PCBP3: variants seen among roughly 807,000 people sequenced by gnomAD.
PCBP3 encodes poly(rC) binding protein 3.
In PCBP3, 25 loss-of-function variants were observed where a neutral mutation model predicts 52.7. The ratio of observed to expected loss-of-function variants is 0.47; its 90% CI spans 0.35 to 0.66. The LOEUF (loss-of-function observed/expected upper bound fraction) is 0.66, where lower values mean the gene tolerates loss of function less well. Ranked by LOEUF, PCBP3 falls within the 30% of genes least tolerant of loss-of-function variation. The probability of loss-of-function intolerance (pLI) is 0.01; values close to 1 mark genes in which losing one functional copy is unlikely to be tolerated. For missense variants in PCBP3, 391 were observed against 490.3 expected (o/e 0.80, Z 1.91); for synonymous variants, 162 against 183.0 (o/e 0.89, Z 0.93).
At chr21:45,773,356 G>T (rs1755496571) in intron 4 of PCBP3, among the ~76,000 whole-genome samples, 1 of 152,182 alleles carries the variant, frequency 6.6e-6, no homozygotes, top group African/African-American at 2.4e-5. Context: ...TCTTCTGCAT[G>T]TGGCTATCCA....
chr21:45,844,332 G>A (rs1281584311), intron 4 of PCBP3, among the ~76,000 whole-genome samples: 3 of 152,124 alleles, frequency 2.0e-5, no homozygotes, highest in African/African-American at 7.2e-5. Flanking sequence ...CAGCACCTAA[G>A]GACTCTTATG....
Position 45,837,348 on chromosome 21 carries a change from G to A in PCBP3, c.-125-12613G>A, listed in dbSNP as rs1323778084. Among the ~76,000 whole-genome samples the A allele has an allele frequency of 6.6e-6, 1 of 152,218 alleles. No homozygotes were observed. The highest frequency in any genetic ancestry group is 2.4e-5 in the African/African-American group (1 of 41,462). On this transcript the variant is annotated intron_variant, in intron 4 of 17. Coordinates refer to ENST00000681687, the MANE Select transcript of PCBP3 (RefSeq NM_001384156.1). The surrounding 1 kb of genome is among the most constrained non-coding windows in gnomAD (Gnocchi z 4.1). ...ATCTGGGCAGGCATGTGCCTCCAGCGGAAATGATGTTATGTGACATCTGTG... is the reference window on the plus strand; with the variant it reads ...ATCTGGGCAGGCATGTGCCTCCAGCAGAAATGATGTTATGTGACATCTGTG...
chr21:45,659,669 A>C (rs2080258665), intron 1 of PCBP3, among the ~76,000 whole-genome samples: 1 of 152,142 alleles, frequency 6.6e-6, no homozygotes, highest in Admixed American at 6.5e-5. Context: ...AATGATCTCA[A>C]AGTATTTTCT....
chr21:45,667,070 T>TGCTTGTTC (rs1259759393), intron 1 of PCBP3, among the ~76,000 whole-genome samples: 6 of 78,166 alleles, frequency 7.7e-5, no homozygotes, highest in African/African-American at 3.2e-4. Context: ...ATTATGCATC[T>TGCTTGTTC]GTTTGTTCTT....
chr21:45,941,547 TG>T (rs2149626663), intron 17 of PCBP3, 122 bp from the exon 18 acceptor site: 1 of 814,528 alleles, frequency 1.2e-6, no homozygotes, highest in African/African-American at 1.8e-5. Context: ...CAGGACCTCC[TG>T]AGCTGACCGG....
intron 1 of PCBP3, among the ~76,000 whole-genome samples, chr21:45,645,851 C>G (rs985537714): frequency 4.6e-5 from 7 of 152,180 alleles, no homozygotes; most frequent in East Asian, 1.9e-4. Flanking sequence ...TGTGTATCCT[C>G]TCAGTGAAGA....
intron 4 of PCBP3, among the ~76,000 whole-genome samples, chr21:45,825,629 C>A (rs1002881474): frequency 1.1e-4 from 17 of 152,180 alleles, no homozygotes; most frequent in Admixed American, 1.3e-4. Context: ...GAAACCCTTT[C>A]TTATTTTTCA....
rs1341610773 is a variant in PCBP3, at chr21:45,821,492, G to A, written c.-125-28469G>A. ...TAGAACACTCTTCCCCCTGCACCAC[G>A]CTGTGGGCCCTGTGCCTTCCCCTAA... On this transcript the variant is annotated intron_variant, in intron 4 of 17. Transcript: ENST00000681687. The surrounding 1 kb of genome is among the most constrained non-coding windows in gnomAD (Gnocchi z 4.4). Among the ~76,000 whole-genome samples the A allele has an allele frequency of 3.8e-5, 5 of 131,404 alleles. No individual in the cohort carries two copies. In the East Asian group the frequency reaches 6.6e-4, roughly 17 times the overall value. The allele number at this position is 131,404 out of a possible 152,430, so 86.2% of individuals were successfully genotyped here.
chr21:45,907,068 C>G (rs938913202), intron 9 of PCBP3, among the ~76,000 whole-genome samples: 7 of 152,380 alleles, frequency 4.6e-5, no homozygotes, highest in Non-Finnish European at 7.3e-5. Flanking sequence ...GGCCGGCCGC[C>G]CGTTCCTTCC....
At chr21:45,697,286 A>G (rs1374250520) in intron 2 of PCBP3, among the ~76,000 whole-genome samples, 1 of 152,248 alleles carries the variant, frequency 6.6e-6, no homozygotes, top group Non-Finnish European at 1.5e-5. Flanking sequence ...CAAGCAAATT[A>G]TGGAACATAT....
chr21:45,850,971 T>C (rs1365622049), intron 5 of PCBP3, among the ~76,000 whole-genome samples: 3 of 152,124 alleles, frequency 2.0e-5, no homozygotes, highest in Non-Finnish European at 4.4e-5. Context: ...TAGGGCTGAG[T>C]GATTATGAGG....
At chr21:45,866,601 A>G (rs1010103553) in intron 5 of PCBP3, among the ~76,000 whole-genome samples, 2 of 152,156 alleles carry the variant, frequency 1.3e-5, no homozygotes, top group Non-Finnish European at 2.9e-5. Flanking sequence ...AACCAGCCAC[A>G]GATGGCCTTA....
rs191946294 is a variant in PCBP3, at chr21:45,940,114, G to T, written c.994G>T (p.Ala332Ser). 2 of 1,614,184 alleles carry T rather than the reference G, an allele frequency of 1.2e-6. No homozygotes were observed. The highest frequency in any genetic ancestry group is 3.3e-5 in the Admixed American group (2 of 60,022). The stretch of plus-strand genomic sequence containing the variant: ...TGGAGCTCAGATCAAAATCGCCAAC[G>T]CCACGGAAGGGTCCTCAGAGCGTCA... ...MSGAQIKIAN[A>S]TEGSSERQIT... The change falls in exon 17 of 18, where the codon GCC becomes TCC. Residue 332 changes from alanine to serine, a missense_variant. Transcript: ENST00000681687.
chr21:45,672,414 A>T lies in PCBP3; in HGVS notation c.-200+3462A>T, dbSNP rs539874412. Among the ~76,000 whole-genome samples, 9 of 152,136 alleles carry T rather than the reference A, an allele frequency of 5.9e-5. No individual in the cohort carries two copies. In the East Asian group the frequency reaches 1.7e-3, roughly 29 times the overall value. On this transcript the variant is annotated intron_variant, in intron 2 of 17. Coordinates refer to ENST00000681687, the MANE Select transcript of PCBP3 (RefSeq NM_001384156.1). ...GGGGTTAGGGGCTGCAAGATCCCAC[A>T]GCCTGCTTTCTGCTTGTGGAAGTTT...
intron 5 of PCBP3, among the ~76,000 whole-genome samples, chr21:45,887,375 G>A (rs969438067): frequency 6.6e-6 from 1 of 152,244 alleles, no homozygotes; most frequent in Non-Finnish European, 1.5e-5. Flanking sequence ...GAGCTGCTGG[G>A]GCTGCGCCAG....
intron 3 of PCBP3, among the ~76,000 whole-genome samples, chr21:45,745,640 T>C (rs1211274849): frequency 1.3e-5 from 2 of 152,230 alleles, no homozygotes; most frequent in East Asian, 3.8e-4. Flanking sequence ...ATGTGCCAGG[T>C]GACCCTCTCT....
At chr21:45,834,602 T>A (rs922578444) in intron 4 of PCBP3, among the ~76,000 whole-genome samples, 2 of 152,194 alleles carry the variant, frequency 1.3e-5, no homozygotes, top group African/African-American at 4.8e-5. Flanking sequence ...CCACGAGTGC[T>A]GCACTGTGAG....
intron 2 of PCBP3, among the ~76,000 whole-genome samples, chr21:45,696,792 G>GA (rs35862807): frequency 8.1e-4 from 110 of 135,580 alleles, no homozygotes; most frequent in South Asian, 5.5e-3. Flanking sequence ...TCTGTCTCAA[G>GA]AAAAAAAAAA....
intron 4 of PCBP3, among the ~76,000 whole-genome samples, chr21:45,797,796 A>T (rs2146602425): frequency 1.2e-3 from 2 of 1,604 alleles, no homozygotes; most frequent in African/African-American, 4.3e-3. Flanking sequence ...ATCCTTAGAG[A>T]GAGTGAATAC....
Sources: gnomAD v4.1 joint callset for allele counts (sites outside exome capture counted in the v4.1 genomes callset) on GRCh38, gnomAD v4.1.1 for gene constraint, Gnocchi (gnomAD v3.1) non-coding constraint, MANE v1.5 for transcripts, NCBI Gene and HGNC (gene_info 2026-07-23, HGNC 2026-07-21) for gene names.